Variants in KAT6A observed in about 807,000 individuals in gnomAD.
KAT6A encodes the protein lysine acetyltransferase 6A.
In KAT6A, 9 loss-of-function variants were observed where a neutral mutation model predicts 198.4. The ratio of observed to expected loss-of-function variants is 0.05; its 90% CI spans 0.03 to 0.08. The LOEUF is 0.08. Ranked by LOEUF, KAT6A falls within the 10% of genes least tolerant of loss-of-function variation. The pLI, the probability that KAT6A is intolerant of heterozygous loss-of-function variation, is 1.00. For synonymous variants in KAT6A, 890 were observed against 883.0 expected (o/e 1.01, Z -0.14); for missense variants, 2,077 against 2,509.9 (o/e 0.83, Z 3.69).
intron 5 of KAT6A, among the ~76,000 whole-genome samples, chr8:41,980,439 A>G (rs936422230): frequency 1.3e-5 from 2 of 152,186 alleles, no homozygotes; most frequent in African/African-American, 4.8e-5. Context: ...TGAATAAACC[A>G]TATCTCTATA....
chr8:42,010,687 C>T (rs957166047), intron 2 of KAT6A, among the ~76,000 whole-genome samples: 4 of 152,182 alleles, frequency 2.6e-5, no homozygotes, highest in African/African-American at 7.2e-5. Context: ...TTCCCTTCAT[C>T]TCAAAAGTGA....
At chr8:41,964,737 C>A (rs1823377776) in intron 8 of KAT6A, among the ~76,000 whole-genome samples, 1 of 151,826 alleles carries the variant, frequency 6.6e-6, no homozygotes, top group African/African-American at 2.4e-5. Context: ...CATCCATACC[C>A]ATGATATTTA....
At chr8:42,017,276 T>C (rs957972149) in intron 2 of KAT6A, among the ~76,000 whole-genome samples, 4 of 152,206 alleles carry the variant, frequency 2.6e-5, no homozygotes, top group African/African-American at 7.2e-5. Context: ...TCAATTAATA[T>C]TTCAAACCAC....
chr8:41,945,088 C>A (rs952596012), intron 12 of KAT6A, among the ~76,000 whole-genome samples: 11 of 152,266 alleles, frequency 7.2e-5, no homozygotes, highest in African/African-American at 2.4e-4. Flanking sequence ...ACAGATCCCA[C>A]AATGATCTCT....
intron 1 of KAT6A, among the ~76,000 whole-genome samples, chr8:42,051,379 GGCCGGAGCCAAA>G (rs944305094): frequency 7.9e-5 from 12 of 151,650 alleles, no homozygotes; most frequent in African/African-American, 2.9e-4. Context: ...CCGCGCCCCC[GGCCGGAGCCAAA>G]GCCGGAGCCG....
chr8:42,043,222 G>A (rs1028017572), intron 2 of KAT6A, among the ~76,000 whole-genome samples: 3 of 152,152 alleles, frequency 2.0e-5, no homozygotes, highest in Non-Finnish European at 4.4e-5. Flanking sequence ...AATAACTGAA[G>A]TAAATGGAAC....
chr8:41,943,169 T>C (rs1031174653), intron 13 of KAT6A, among the ~76,000 whole-genome samples, 169 bp from the exon 14 acceptor site: 2 of 151,974 alleles, frequency 1.3e-5, no homozygotes, highest in Non-Finnish European at 2.9e-5. Context: ...CGGCCAGGAG[T>C]GTGAAGCAGG....
intron 2 of KAT6A, among the ~76,000 whole-genome samples, chr8:42,042,343 G>T (rs1827708295): frequency 6.6e-6 from 1 of 151,716 alleles, no homozygotes; most frequent in African/African-American, 2.4e-5. Context: ...TATAATCCCA[G>T]CTTACTCGGG....
chr8:42,003,236 C>T (rs1173412076), intron 2 of KAT6A, among the ~76,000 whole-genome samples: 2 of 152,176 alleles, frequency 1.3e-5, no homozygotes, highest in Non-Finnish European at 2.9e-5. Context: ...CAGTCTTCAG[C>T]TTCCTTCAGC....
At chr8:42,050,709 A>G (rs574244992) in intron 1 of KAT6A, among the ~76,000 whole-genome samples, 2 of 152,328 alleles carry the variant, frequency 1.3e-5, no homozygotes, top group South Asian at 2.1e-4. Context: ...TTATACAGAT[A>G]TTAAGTCTAA....
intron 2 of KAT6A, among the ~76,000 whole-genome samples, chr8:42,014,395 C>T (rs1272109576): frequency 2.6e-5 from 4 of 152,174 alleles, no homozygotes; most frequent in Non-Finnish European, 5.9e-5. Context: ...TATACCCATA[C>T]TATATATATC....
chr8:42,013,279 T>A (rs572212822), intron 2 of KAT6A, among the ~76,000 whole-genome samples: 1 of 148,686 alleles, frequency 6.7e-6, no homozygotes, highest in East Asian at 2.0e-4. Context: ...TTTTTTTAGA[T>A]GGAGTCTCGC....
intron 2 of KAT6A, among the ~76,000 whole-genome samples, chr8:41,990,118 A>G (rs972753866): frequency 3.3e-5 from 5 of 152,096 alleles, no homozygotes; most frequent in Non-Finnish European, 2.9e-5. Flanking sequence ...ATGAGATTTG[A>G]GCTTTATTCT....
intron 2 of KAT6A, among the ~76,000 whole-genome samples, chr8:42,027,295 T>A (rs1826868525): frequency 6.6e-6 from 1 of 152,220 alleles, no homozygotes; most frequent in Admixed American, 6.5e-5. Context: ...AATGCTGGCC[T>A]TGTAGAGTGA....
chr8:41,948,833 C>T (rs1183129624), intron 10 of KAT6A, among the ~76,000 whole-genome samples: 1 of 151,966 alleles, frequency 6.6e-6, no homozygotes, highest in Non-Finnish European at 1.5e-5. Context: ...ATACTTGGCA[C>T]GAAAACCACA....
intron 2 of KAT6A, among the ~76,000 whole-genome samples, chr8:41,992,555 C>T (rs1275697718): frequency 6.6e-6 from 1 of 152,106 alleles, no homozygotes; most frequent in Non-Finnish European, 1.5e-5. Context: ...GGGGTGAGAG[C>T]ATGGAAAAGT....
At chr8:42,013,237 G>T (rs1826105578) in intron 2 of KAT6A, among the ~76,000 whole-genome samples, 1 of 147,618 alleles carries the variant, frequency 6.8e-6, no homozygotes, top group Non-Finnish European at 1.5e-5. Flanking sequence ...AGAGGGAGGT[G>T]GCTCTGTCAT....
chr8:41,931,131 C>T lies in KAT6A; in HGVS notation c.*1074G>A, dbSNP rs568752518. The stretch of plus-strand genomic sequence containing the variant: ...TTTTCAAATCACTAAAATGTACAGT[C>T]ATCCACCAACAATTTAAGAAAGAAC... On this transcript the variant is annotated 3_prime_UTR_variant, in exon 17 of 17. Transcript: ENST00000265713. 3 of 222,364 alleles carry T rather than the reference C, an allele frequency of 1.3e-5. No homozygotes were observed. The South Asian group carries it at 5.5e-4, about 41-fold the overall frequency. The allele number at this position is 222,364 out of a possible 1,614,324, so 13.8% of individuals were successfully genotyped here.
rs755420898 is a variant in KAT6A at position 41,932,989 on chromosome 8, T to C, written c.5231A>G (p.Tyr1744Cys). ...RIPGDFGAGS[Y>C]SQPSATFSLA... ...GCTGAAGGTGGCTGATGGTTGAGAG[T>C]AGCTGCCGGCACCAAAATCCCCTGG... The change falls in exon 17 of 17, where the codon TAC becomes TGC. Residue 1744 changes from tyrosine (Y) to cysteine (C), a missense_variant. Physicochemically the swap from Tyr to Cys is radical, Grantham distance 194. Around this residue, in one of 13 missense-constraint regions of KAT6A, gnomAD observed 500 missense variants for 577.2 expected, o/e 0.87. Transcript: ENST00000265713. The C allele has an allele frequency of 1.3e-5, 21 of 1,613,996 alleles. No homozygotes were observed. Among genetic ancestry groups the C allele is most frequent in the Non-Finnish European group, 1.8e-5 (21 of 1,180,012 alleles).
Sources: gnomAD v4.1 joint callset for allele counts (sites outside exome capture counted in the v4.1 genomes callset) on GRCh38, gnomAD v4.1.1 for gene constraint, gnomAD v4.1.1 regional missense constraint, MANE v1.5 for transcripts, NCBI Gene and HGNC (gene_info 2026-07-23, HGNC 2026-07-21) for gene names.